Variants in NRG4 observed in about 807,000 individuals in gnomAD.
The protein encoded by NRG4 is neuregulin 4.
In NRG4, 10 loss-of-function variants were observed where a neutral mutation model predicts 15.0. That is an observed-to-expected ratio of 0.67 (90% CI 0.41 to 1.13). NRG4 has a LOEUF of 1.13. Ranked by LOEUF, NRG4 falls within the 50% of genes most tolerant of loss-of-function variation. The probability of loss-of-function intolerance (pLI) is 0.00; values close to 1 mark genes in which losing one functional copy is unlikely to be tolerated. For missense variants in NRG4, 139 were observed against 140.2 expected, an observed-to-expected ratio of 0.99 and a Z score of 0.04; for synonymous variants, 41 against 50.1, an observed-to-expected ratio of 0.82 and a Z score of 0.77.
chr15:76,053,294 G>A lies in NRG4; in HGVS notation c.-261-311C>T, dbSNP rs746229790. ...AAAGTCTCTGAATCACACTGCCCAA[G>A]TTTGAATCTTGGTTCCTTACTAGCT... is the stretch of plus-strand genomic sequence containing the variant. On this transcript the variant is annotated intron_variant, in intron 2 of 8. Coordinates refer to the NRG4 transcript ENST00000563910. The A allele has an allele frequency of 2.1e-4, 31 of 151,134 alleles. 1 individual carries two copies. Among genetic ancestry groups the A allele is most frequent in the Admixed American group, 5.9e-4 (9 of 15,238 alleles). 9.4% of individuals were successfully genotyped at this position (151,134 alleles called of 1,614,324 possible).
intron 3 of NRG4, among the ~76,000 whole-genome samples, chr15:75,992,868 T>G (rs957364671): frequency 6.6e-6 from 1 of 152,190 alleles, no homozygotes; most frequent in Non-Finnish European, 1.5e-5. Context: ...AATATTCCAT[T>G]GTGTATATAT....
At chr15:75,991,121 G>A (rs75279464) in intron 3 of NRG4, among the ~76,000 whole-genome samples, 6,020 of 152,032 alleles carry the variant, frequency 0.04, 213 homozygotes, top group African/African-American at 0.094. Context: ...GTAAGAGAAC[G>A]TACTCTAAGG....
Position 75,943,576 on chromosome 15 carries a change from T to C in NRG4, c.*62A>G, listed in dbSNP as rs2031212548. ...TTAGATTTTTAATTCTTTTACCTAG[T>C]GGTGTTTCATTTTCTGCCTTTGTAA... On this transcript the variant is annotated 3_prime_UTR_variant, in exon 6 of 6. Coordinates refer to ENST00000394907, the MANE Select transcript of NRG4 (RefSeq NM_138573.4). 1.0e-6 allele frequency: 1 copy of C among 961,878 alleles called. No individual in the cohort carries two copies. The highest frequency in any genetic ancestry group is 1.7e-6 in the Non-Finnish European group (1 of 595,628). 59.6% of individuals were successfully genotyped at this position (961,878 alleles called of 1,614,324 possible).
intron 5 of NRG4, among the ~76,000 whole-genome samples, chr15:75,948,110 C>G (rs1241159518): frequency 6.6e-6 from 1 of 152,078 alleles, no homozygotes; most frequent in Non-Finnish European, 1.5e-5. Flanking sequence ...CTATGGATTG[C>G]CTTTTCACTC....
rs565460403 is a variant in NRG4, at chr15:76,043,875, T to G, written c.-104-7884A>C. The stretch of plus-strand genomic sequence containing the variant: ...ACAAAACTGAATAAATCACATTACC[T>G]GACTTCAAATTACACTACAGACCTA... On this transcript the variant is annotated intron_variant, in intron 4 of 8. Transcript: ENST00000563910. 2.0e-5 allele frequency among the ~76,000 whole-genome samples: 3 copies of G among 152,380 alleles called. No individual in the cohort carries two copies. The South Asian group carries it at 6.2e-4, about 32-fold the overall frequency.
chr15:75,980,361 G>A (rs1242141276), intron 3 of NRG4, among the ~76,000 whole-genome samples: 1 of 143,904 alleles, frequency 6.9e-6, no homozygotes, highest in African/African-American at 2.6e-5. Flanking sequence ...AATTCAAAAT[G>A]AATACATTTT....
intron 4 of NRG4, among the ~76,000 whole-genome samples, chr15:76,041,822 C>T (rs1043555328): frequency 6.6e-6 from 1 of 152,028 alleles, no homozygotes; most frequent in African/African-American, 2.4e-5. Flanking sequence ...TACTATAGAC[C>T]ACATGGACCA....
At chr15:76,023,139 C>T (rs891628254) in intron 5 of NRG4, among the ~76,000 whole-genome samples, 3 of 54,574 alleles carry the variant, frequency 5.5e-5, no homozygotes, top group Non-Finnish European at 1.2e-4. Flanking sequence ...TCCACACACA[C>T]ACACACACAC....
intron 5 of NRG4, among the ~76,000 whole-genome samples, chr15:75,948,386 G>A (rs981752846): frequency 4.6e-5 from 7 of 151,402 alleles, no homozygotes; most frequent in East Asian, 1.9e-4. Context: ...TTCATCCTCC[G>A]CCTGCCGGCT....
upstream of NRG4, among the ~76,000 whole-genome samples, chr15:76,016,798 A>G (rs1012497352): frequency 2.6e-5 from 4 of 152,204 alleles, no homozygotes; most frequent in African/African-American, 4.8e-5. Context: ...GCCGAGAAGA[A>G]TATATATTCT....
intron 4 of NRG4, among the ~76,000 whole-genome samples, chr15:75,960,335 A>C (rs1938842976): frequency 6.6e-6 from 1 of 152,168 alleles, no homozygotes; most frequent in Non-Finnish European, 1.5e-5. Flanking sequence ...GCATAAACCT[A>C]ATTCCAAAGA....
At chr15:76,035,020 G>A (rs2035566979) in intron 5 of NRG4, among the ~76,000 whole-genome samples, 1 of 152,198 alleles carries the variant, frequency 6.6e-6, no homozygotes, top group Non-Finnish European at 1.5e-5. Flanking sequence ...TTGAACGGCA[G>A]GCACAAGTTA....
At chr15:75,962,866 ATGTGTG>A (rs2032601663) in intron 3 of NRG4, among the ~76,000 whole-genome samples, 1 of 152,246 alleles carries the variant, frequency 6.6e-6, no homozygotes, top group African/African-American at 2.4e-5. Context: ...AAAAAAGTGT[ATGTGTG>A]TGTAAAACCA....
At chr15:76,023,183 C>CACACACACACA (rs67858639) in intron 5 of NRG4, among the ~76,000 whole-genome samples, 1 of 112,454 alleles carries the variant, frequency 8.9e-6, no homozygotes, top group Non-Finnish European at 2.0e-5. Flanking sequence ...CACACACACA[C>CACACACACACA]AAGCAAGGAC....
chr15:75,969,285 A>G (rs1382545336), intron 3 of NRG4: 4 of 452,066 alleles, frequency 8.8e-6, no homozygotes, highest in Non-Finnish European at 8.9e-6. Context: ...TCTGCGTGGT[A>G]TTCCTACATA....
At chr15:75,993,229 A>G (rs1164426129) in intron 3 of NRG4, among the ~76,000 whole-genome samples, 1 of 149,128 alleles carries the variant, frequency 6.7e-6, no homozygotes, top group Non-Finnish European at 1.5e-5. Flanking sequence ...TTGAGCTTAA[A>G]CCTGAAATTT....
At chr15:76,028,387 G>C (rs1263652035) in intron 5 of NRG4, among the ~76,000 whole-genome samples, 1 of 151,920 alleles carries the variant, frequency 6.6e-6, no homozygotes, top group East Asian at 1.9e-4. Context: ...TGAAAACCTA[G>C]AGGAAATAGA....
chr15:75,998,196 C>T (rs762178513), intron 3 of NRG4, among the ~76,000 whole-genome samples: 2 of 152,052 alleles, frequency 1.3e-5, no homozygotes, highest in Admixed American at 6.6e-5. Context: ...TCTAGATGCA[C>T]GGAAAATCTC....
chr15:76,046,316 G>A (rs893007649), intron 4 of NRG4, among the ~76,000 whole-genome samples: 1 of 150,960 alleles, frequency 6.6e-6, no homozygotes, highest in African/African-American at 2.5e-5. Flanking sequence ...CTATCAAAAT[G>A]CGAACGGCGT....
Sources: gnomAD v4.1 joint callset for allele counts (sites outside exome capture counted in the v4.1 genomes callset) on GRCh38, gnomAD v4.1.1 for gene constraint, MANE v1.5 for transcripts, NCBI Gene and HGNC (gene_info 2026-07-23, HGNC 2026-07-21) for gene names.